Variants in TANGO6 observed in about 807,000 individuals in gnomAD.
TANGO6 encodes the protein transport and Golgi organization protein 6 homolog.
TANGO6 carries 90 observed loss-of-function variants against 114.2 expected under a neutral mutation model. That is an observed-to-expected ratio of 0.79 (90% CI 0.66 to 0.94). The LOEUF (loss-of-function observed/expected upper bound fraction) is 0.94. Among genes scored for constraint, TANGO6 ranks in the 40% least tolerant of loss-of-function variants. The probability of loss-of-function intolerance (pLI) is 0.00; values close to 1 mark genes in which losing one functional copy is unlikely to be tolerated. For missense variants in TANGO6, 1,274 were observed against 1,315.3 expected (o/e 0.97, Z 0.49); for synonymous variants, 477 against 509.8 (o/e 0.94, Z 0.87).
chr16:68,985,749 CT>C, intron 15 of TANGO6, among the ~76,000 whole-genome samples: 1 of 152,328 alleles, frequency 6.6e-6, no homozygotes, highest in East Asian at 1.9e-4. Flanking sequence ...TTAAAAGATA[CT>C]TAGTGCCAAG....
chr16:69,050,379 T>G (rs1213353196), intron 17 of TANGO6, among the ~76,000 whole-genome samples: 1 of 152,102 alleles, frequency 6.6e-6, no homozygotes. Flanking sequence ...GGTCTCATGG[T>G]CATCCTGGCT....
intron 4 of TANGO6, among the ~76,000 whole-genome samples, chr16:68,868,479 C>T (rs1031335999): frequency 6.8e-5 from 10 of 147,988 alleles, no homozygotes; most frequent in Non-Finnish European, 1.2e-4. Flanking sequence ...CTGGTATTTA[C>T]CTCTATATTT....
chr16:68,892,865 T>G (rs1962645347), intron 7 of TANGO6, among the ~76,000 whole-genome samples: 1 of 152,094 alleles, frequency 6.6e-6, no homozygotes, highest in African/African-American at 2.4e-5. Flanking sequence ...CAGAGAGGCT[T>G]TTATCACACC....
intron 8 of TANGO6, among the ~76,000 whole-genome samples, chr16:68,901,358 T>C (rs1442346285): frequency 1.3e-5 from 2 of 152,236 alleles, no homozygotes. Context: ...ATAGTTCCCC[T>C]GGCTCTTCAG....
chr16:69,018,518 A>G (rs1443080403), intron 15 of TANGO6, among the ~76,000 whole-genome samples: 2 of 151,984 alleles, frequency 1.3e-5, no homozygotes, highest in Non-Finnish European at 2.9e-5. Context: ...GTATCAGACC[A>G]TTTAAGTTTG....
chr16:68,973,748 C>T, intron 14 of TANGO6: 1 of 424,178 alleles, frequency 2.4e-6, no homozygotes, highest in African/African-American at 2.0e-5. Flanking sequence ...AGAACTGCAG[C>T]AAAGGCAGGA....
At chr16:69,024,518 C>T (rs1030130080) in intron 16 of TANGO6, among the ~76,000 whole-genome samples, 2 of 152,174 alleles carry the variant, frequency 1.3e-5, no homozygotes, top group African/African-American at 4.8e-5. Context: ...CTGCTCGCCT[C>T]GGCCTCCCAA....
chr16:69,045,498 C>T (rs981258727), intron 17 of TANGO6, among the ~76,000 whole-genome samples: 1 of 149,160 alleles, frequency 6.7e-6, no homozygotes, highest in Non-Finnish European at 1.5e-5. Flanking sequence ...AATCCCAGCG[C>T]TTTGGAAGGC....
chr16:68,882,476 G>C (rs1357949140), intron 7 of TANGO6, among the ~76,000 whole-genome samples: 1 of 151,216 alleles, frequency 6.6e-6, no homozygotes, highest in South Asian at 2.1e-4. Flanking sequence ...CAGCCTGGGT[G>C]ACAGAGCGAG....
At chr16:68,999,409 A>G (rs772990589) in intron 15 of TANGO6, among the ~76,000 whole-genome samples, 9 of 152,206 alleles carry the variant, frequency 5.9e-5, no homozygotes, top group Non-Finnish European at 1.2e-4. Context: ...TATTGGCTCT[A>G]TAAGTCAACT....
chr16:69,082,223 G>C (rs1419735845), intron 17 of TANGO6, among the ~76,000 whole-genome samples: 3 of 151,964 alleles, frequency 2.0e-5, no homozygotes, highest in Non-Finnish European at 4.4e-5. Context: ...CTGACCTTGT[G>C]ATCTGCCTGC....
At chr16:68,979,447 C>T (rs1160064945) in intron 15 of TANGO6, among the ~76,000 whole-genome samples, 1 of 152,012 alleles carries the variant, frequency 6.6e-6, no homozygotes, top group African/African-American at 2.4e-5. Context: ...CCAGGCTGGT[C>T]GCAAGCTCCT....
At chr16:68,850,914 A>T (rs1425045746) in intron 1 of TANGO6, among the ~76,000 whole-genome samples, 2 of 152,006 alleles carry the variant, frequency 1.3e-5, no homozygotes, top group African/African-American at 4.8e-5. Context: ...TTTTGATTTA[A>T]TTTTTTTAAC....
intron 12 of TANGO6, among the ~76,000 whole-genome samples, chr16:68,921,046 T>A (rs187352597): frequency 0.013 from 1,577 of 123,952 alleles, 9 homozygotes; most frequent in Non-Finnish European, 0.019. Context: ...GAGGTTGCAG[T>A]GGGCGGAGGT....
At chr16:68,865,419 A>G (rs1407727799) in intron 3 of TANGO6, among the ~76,000 whole-genome samples, 1 of 152,196 alleles carries the variant, frequency 6.6e-6, no homozygotes, top group Non-Finnish European at 1.5e-5. Context: ...GCAGAACAAA[A>G]TATGCACTCA....
At chr16:68,845,662 T>TA (rs1254712004) in intron 1 of TANGO6, among the ~76,000 whole-genome samples, 1 of 151,962 alleles carries the variant, frequency 6.6e-6, no homozygotes, top group Non-Finnish European at 1.5e-5. Context: ...AACATAGTGA[T>TA]ACTCTGTGTC....
At chr16:68,845,992 A>G (rs925953056) in intron 1 of TANGO6, among the ~76,000 whole-genome samples, 19 of 151,900 alleles carry the variant, frequency 1.3e-4, no homozygotes, top group Admixed American at 5.2e-4. Context: ...AGCTGGGACT[A>G]TAGGCACCCA....
At position 68,863,026 on chromosome 16, in the gene TANGO6, C is replaced by A; in HGVS notation, c.817C>A (p.Arg273=). Residue 273 remains arginine (R), a synonymous_variant, in exon 3 of 18, where the codon CGG becomes AGG. Transcript: ENST00000261778. ...LDQVYQPLAV[R]ELLILQGGPP... ...TCAAGTCTATCAGCCCTTAGCAGTCCGGGAACTGCTTATCCTCCAGGGAGG... is the reference window on the plus strand; with the variant it reads ...TCAAGTCTATCAGCCCTTAGCAGTCAGGGAACTGCTTATCCTCCAGGGAGG... 1 of 1,592,240 alleles carries A rather than the reference C, an allele frequency of 6.3e-7. No individual in the cohort carries two copies. Among genetic ancestry groups the A allele is most frequent in the East Asian group, 2.3e-5 (1 of 44,140 alleles).
intron 17 of TANGO6, among the ~76,000 whole-genome samples, chr16:69,076,054 C>T (rs1248995394): frequency 1.1e-4 from 16 of 149,112 alleles, no homozygotes; most frequent in African/African-American, 3.5e-4. Context: ...TGAGCCACCG[C>T]GCCTGGCCTG....
Sources: allele counts gnomAD v4.1 joint callset (sites outside exome capture counted in the v4.1 genomes callset), GRCh38; gene constraint gnomAD v4.1.1; transcripts MANE v1.5; gene names NCBI Gene and HGNC (gene_info 2026-07-23, HGNC 2026-07-21).